FAM20B: variants seen among roughly 807,000 people sequenced by gnomAD.
FAM20B encodes the protein glycosaminoglycan xylosylkinase.
Under a neutral mutation model 43.8 loss-of-function variants are expected in FAM20B, and 23 were observed. The observed-to-expected ratio is 0.53, with a 90% CI of 0.38 to 0.74. FAM20B has a LOEUF of 0.74. FAM20B is among the 30% of genes least tolerant of loss of function. The pLI, the probability that FAM20B is intolerant of heterozygous loss-of-function variation, is 0.00. For missense variants in FAM20B, 440 were observed against 510.5 expected, an observed-to-expected ratio of 0.86 and a Z score of 1.33; for synonymous variants, 178 against 192.4, an observed-to-expected ratio of 0.93 and a Z score of 0.62.
chr1:179,019,479 T>TTTA, the FAM20B span, among the ~76,000 whole-genome samples: 1 of 151,642 alleles, frequency 6.6e-6, no homozygotes, highest in African/African-American at 2.4e-5. Context: ...TTTTTTTTTT[T>TTTA]GAGATGGAGT....
intron 1 of FAM20B, among the ~76,000 whole-genome samples, chr1:179,030,878 CAA>C (rs11321294): frequency 1.3e-4 from 17 of 127,850 alleles, no homozygotes; most frequent in Non-Finnish European, 1.4e-4. Flanking sequence ...ACAGATGTGC[CAA>C]AAAAAAAAAA....
chr1:179,020,154 TACACACACACACAC>T, the FAM20B span, among the ~76,000 whole-genome samples: 1,738 of 148,708 alleles, frequency 0.012, 27 homozygotes, highest in African/African-American at 0.036. Flanking sequence ...TGTGTGTGTA[TACACACACACACAC>T]ACACACACAC....
intron 1 of FAM20B, among the ~76,000 whole-genome samples, chr1:179,040,259 G>A (rs1277609377): frequency 6.6e-6 from 1 of 152,194 alleles, no homozygotes; most frequent in African/African-American, 2.4e-5. Context: ...ACACCTCCCA[G>A]ACGGGGTGGT....
chr1:179,072,158 A>G lies in FAM20B; in HGVS notation c.*14A>G. 1 of 1,578,764 alleles carries G rather than the reference A, an allele frequency of 6.3e-7. No homozygotes were observed. The highest frequency in any genetic ancestry group is 8.7e-7 in the Non-Finnish European group (1 of 1,150,610). ...TCACACTTGTAATTCTCGACACAAA[A>G]TAAGTGAAACTTCTTTTTACAAAGA... On this transcript the variant is annotated 3_prime_UTR_variant, in exon 8 of 8. Coordinates refer to ENST00000263733, the MANE Select transcript of FAM20B (RefSeq NM_014864.4).
At chr1:179,068,022 C>T (rs944530060) in intron 7 of FAM20B, among the ~76,000 whole-genome samples, 6 of 152,174 alleles carry the variant, frequency 3.9e-5, no homozygotes, top group African/African-American at 1.4e-4. Context: ...CTCAGCCTCC[C>T]AAAGTGCTAG....
intron 1 of FAM20B, among the ~76,000 whole-genome samples, chr1:179,034,783 T>G (rs1173142991): frequency 6.6e-6 from 1 of 152,192 alleles, no homozygotes; most frequent in Non-Finnish European, 1.5e-5. Flanking sequence ...TCAGATCTCT[T>G]TTGTTGTTAG....
the FAM20B span, among the ~76,000 whole-genome samples, chr1:179,019,090 TG>T: frequency 6.6e-6 from 1 of 152,174 alleles, no homozygotes; most frequent in Non-Finnish European, 1.5e-5. Flanking sequence ...CCACGCACAG[TG>T]GGGAGGGCCA....
intron 7 of FAM20B, among the ~76,000 whole-genome samples, chr1:179,069,709 A>G (rs1162841483): frequency 6.6e-6 from 1 of 152,134 alleles, no homozygotes; most frequent in Non-Finnish European, 1.5e-5. Flanking sequence ...TGGAGCTGAG[A>G]GGAAGTAACA....
chr1:179,038,441 G>A (rs113029549), intron 1 of FAM20B, among the ~76,000 whole-genome samples: 2,195 of 152,014 alleles, frequency 0.014, 41 homozygotes, highest in African/African-American at 0.048. Flanking sequence ...AAAGTTTATG[G>A]GTTAACCAGA....
chr1:179,028,050 G>A (rs891060319), intron 1 of FAM20B, among the ~76,000 whole-genome samples: 1 of 152,086 alleles, frequency 6.6e-6, no homozygotes, highest in South Asian at 2.1e-4. Flanking sequence ...ATTCCTAAAT[G>A]AAACTTTCTG....
chr1:179,045,746 C>T (rs1310190160), intron 2 of FAM20B, among the ~76,000 whole-genome samples: 1 of 151,752 alleles, frequency 6.6e-6, no homozygotes, highest in African/African-American at 2.4e-5. Context: ...ATTAGCTGGG[C>T]GTGGTGGTGT....
intron 1 of FAM20B, among the ~76,000 whole-genome samples, chr1:179,031,274 TG>T (rs960030586): frequency 1.3e-5 from 2 of 152,216 alleles, no homozygotes; most frequent in African/African-American, 4.8e-5. Context: ...ACCTGGAACT[TG>T]GGAAGTGTCA....
intron 4 of FAM20B, among the ~76,000 whole-genome samples, chr1:179,063,001 G>T (rs1186290348): frequency 6.6e-6 from 1 of 152,170 alleles, no homozygotes; most frequent in African/African-American, 2.4e-5. Flanking sequence ...TTCAGGCCGG[G>T]CGCGGTAGCT....
chr1:179,029,582 C>G (rs1649924488), intron 1 of FAM20B, among the ~76,000 whole-genome samples: 1 of 152,118 alleles, frequency 6.6e-6, no homozygotes, highest in African/African-American at 2.4e-5. Flanking sequence ...AGACCTTGAG[C>G]TTTGGTGTGT....
chr1:179,035,941 C>G, intron 1 of FAM20B, among the ~76,000 whole-genome samples: 1 of 151,928 alleles, frequency 6.6e-6, no homozygotes, highest in South Asian at 2.1e-4. Context: ...ACCAGCCTGC[C>G]CAACGTGGAG....
intron 7 of FAM20B, among the ~76,000 whole-genome samples, chr1:179,068,426 G>A (rs140579984): frequency 1.3e-5 from 2 of 151,968 alleles, no homozygotes; most frequent in African/African-American, 4.8e-5. Context: ...AAACAGAGGT[G>A]TTTAATATAA....
rs962940766 is a variant in FAM20B, at chr1:179,075,244, CTTTA to C, written c.*3107_*3110del. The C allele has an allele frequency of 2.6e-5, 4 of 151,542 alleles. No homozygotes were observed. The highest frequency in any genetic ancestry group is 4.4e-5 in the Non-Finnish European group (3 of 67,934). 9.4% of individuals were successfully genotyped at this position (151,542 alleles called of 1,614,324 possible). ...TTTTAAGTTTTGTAACACTGTCCTA[CTTTA>C]TTTATTAGAATCTAAGGCTGTTACA... On this transcript the variant is annotated 3_prime_UTR_variant, in exon 8 of 8. Transcript: ENST00000263733.
intron 1 of FAM20B, among the ~76,000 whole-genome samples, chr1:179,042,487 C>T (rs1279415425): frequency 2.0e-5 from 3 of 152,188 alleles, no homozygotes; most frequent in Non-Finnish European, 4.4e-5. Flanking sequence ...GATGTCACAG[C>T]CCTGGCTCGG....
At chr1:179,046,261 G>A in intron 2 of FAM20B, among the ~76,000 whole-genome samples, 1 of 152,214 alleles carries the variant, frequency 6.6e-6, no homozygotes, top group East Asian at 1.9e-4. Flanking sequence ...ATCGCATTTA[G>A]CTTTGAAGTT....
Sources: gnomAD v4.1 joint callset for allele counts (sites outside exome capture counted in the v4.1 genomes callset) on GRCh38, gnomAD v4.1.1 for gene constraint, MANE v1.5 for transcripts, NCBI Gene and HGNC (gene_info 2026-07-23, HGNC 2026-07-21) for gene names.